ARHGEF10L: variants seen among roughly 807,000 people sequenced by gnomAD.
ARHGEF10L encodes the protein Rho guanine nucleotide exchange factor 10 like.
ARHGEF10L carries 69 observed loss-of-function variants against 141.2 expected under a neutral mutation model. That is an observed-to-expected ratio of 0.49 (90% CI 0.40 to 0.60). The LOEUF (loss-of-function observed/expected upper bound fraction) is 0.60, where lower values mean the gene tolerates loss of function less well. Among genes scored for constraint, ARHGEF10L ranks in the 20% least tolerant of loss-of-function variants. The pLI is 0.00. For missense variants in ARHGEF10L, 1,482 were observed against 1,734.3 expected (o/e 0.85, Z 2.58); for synonymous variants, 711 against 718.5 (o/e 0.99, Z 0.17).
chr1:17,639,777 T>C lies in ARHGEF10L; in HGVS notation c.2172-425T>C. 17 of 1,104,802 alleles carry C rather than the reference T, an allele frequency of 1.5e-5. No homozygotes were observed. Among genetic ancestry groups the C allele is most frequent in the Non-Finnish European group, 2.1e-5 (17 of 817,834 alleles). 68.4% of individuals were successfully genotyped at this position (1,104,802 alleles called of 1,614,324 possible). On this transcript the variant is annotated intron_variant, in intron 20 of 28. Coordinates refer to ENST00000361221, the MANE Select transcript of ARHGEF10L (RefSeq NM_018125.4). This position sits in a 1 kb window ranked among gnomAD's most constrained non-coding sequence, Gnocchi z 4.3. ...ACTCAGCAAACATTTACTGAGCAAC[T>C]GTCCCATGCCAGGTGCTGGGAACAG...
Position 17,619,345 on chromosome 1 carries a change from C to T in ARHGEF10L, c.842C>T (p.Ser281Leu), listed in dbSNP as rs763814803. 18 of 1,612,994 alleles carry T rather than the reference C, an allele frequency of 1.1e-5. No individual in the cohort carries two copies. Among genetic ancestry groups the T allele is most frequent in the Admixed American group, 1.7e-5 (1 of 59,950 alleles). Residue 281 changes from serine (S) to leucine (L), a missense_variant, in exon 10 of 29, where the codon TCG becomes TTG. Physicochemically the swap from Ser to Leu is moderately radical, Grantham distance 145. This residue lies in a region of ARHGEF10L where 392 missense variants were observed against 542.1 expected (regional missense o/e 0.72). Transcript: ENST00000361221. The surrounding 1 kb of genome is among the most constrained non-coding windows in gnomAD (Gnocchi z 5.0). Reference sequence around the variant, plus strand: ...GGCCCATCTGACTTTCCAGGTGACTCGGAGGAGGAGGACATGGGGCTCCTG... The same window carrying T: ...GGCCCATCTGACTTTCCAGGTGACTTGGAGGAGGAGGACATGGGGCTCCTG... ...FLHRKDVLGDSEEEDMGLLEV... is the reference protein window; with the variant it reads ...FLHRKDVLGDLEEEDMGLLEV...
rs1214281717 is a variant in ARHGEF10L at position 17,635,029 on chromosome 1, T to C, written c.1927+13T>C. 3 of 1,613,576 alleles carry C rather than the reference T, an allele frequency of 1.9e-6. No homozygotes were observed. Among genetic ancestry groups the C allele is most frequent in the Middle Eastern group, 1.7e-4 (1 of 6,056 alleles). ...GGGCAGGCTCAGAGTGAGTACCCCCTCTCTGTGCCCTGCGTTCGTCACCCT... is the reference window on the plus strand; with the variant it reads ...GGGCAGGCTCAGAGTGAGTACCCCCCCTCTGTGCCCTGCGTTCGTCACCCT... On this transcript the variant is annotated intron_variant, in intron 18 of 28. Transcript: ENST00000361221.
chr1:17,616,772 G>A (rs2059830913), intron 9 of ARHGEF10L, among the ~76,000 whole-genome samples: 1 of 152,228 alleles, frequency 6.6e-6, no homozygotes. Flanking sequence ...GGACTTGGGG[G>A]ATGAAAGGTC....
intron 1 of ARHGEF10L, among the ~76,000 whole-genome samples, chr1:17,579,784 G>A (rs964897533): frequency 6.6e-6 from 1 of 152,210 alleles, no homozygotes; most frequent in Admixed American, 6.5e-5. Context: ...AGCCCCCAGT[G>A]CACAATTGAA....
chr1:17,515,776 G>A, the ARHGEF10L span, among the ~76,000 whole-genome samples: 1 of 151,876 alleles, frequency 6.6e-6, no homozygotes, highest in African/African-American at 2.4e-5. Flanking sequence ...CTGAGTAACT[G>A]GGAGAACAGG....
In ARHGEF10L at chr1:17,592,459, G is replaced by A. The variant is rs1321869144; in HGVS notation, c.257+3980G>A. The stretch of plus-strand genomic sequence containing the variant: ...TCTCTCATTGGGGCCTGGAGCCAGG[G>A]GAAGTGATGGGGCAGCCGTATTCTG... On this transcript the variant is annotated intron_variant, in intron 4 of 28. Transcript: ENST00000361221. 2.0e-5 allele frequency among the ~76,000 whole-genome samples: 3 copies of A among 152,116 alleles called. No homozygotes were observed. The East Asian group carries it at 5.8e-4, about 29-fold the overall frequency.
At chr1:17,670,888 C>T (rs924764738) in intron 26 of ARHGEF10L, among the ~76,000 whole-genome samples, 1 of 152,252 alleles carries the variant, frequency 6.6e-6, no homozygotes, top group African/African-American at 2.4e-5. Flanking sequence ...CACTGTTCCC[C>T]TCCTGTGTGG....
At chr1:17,561,778 T>A (rs1446928727) in intron 1 of ARHGEF10L, among the ~76,000 whole-genome samples, 2 of 152,228 alleles carry the variant, frequency 1.3e-5, no homozygotes, top group Admixed American at 6.5e-5. Flanking sequence ...TTTTCCCTAA[T>A]ACGGTCTCCT....
rs1246884190 is a variant in ARHGEF10L at position 17,615,541 on chromosome 1, T to A, written c.727-553T>A. ...GCAAGGGACGGGTCCCTCACCTGGG[T>A]TTGGCGGATGGGATGGGGGTGTGCA... On this transcript the variant is annotated intron_variant, in intron 8 of 28. Transcript: ENST00000361221. The surrounding 1 kb of genome is among the most constrained non-coding windows in gnomAD (Gnocchi z 4.7). 1 of 152,082 alleles carries A rather than the reference T, an allele frequency of 6.6e-6. No individual in the cohort carries two copies. The highest frequency in any genetic ancestry group is 1.9e-4 in the East Asian group (1 of 5,180). The allele number at this position is 152,082 out of a possible 1,614,324, so 9.4% of individuals were successfully genotyped here. A position where few individuals can be genotyped will look rare whatever the true frequency, so the allele number is the denominator to read the frequency against.
At chr1:17,579,621 T>A (rs1300726646) in intron 1 of ARHGEF10L, among the ~76,000 whole-genome samples, 1 of 152,276 alleles carries the variant, frequency 6.6e-6, no homozygotes, top group East Asian at 1.9e-4. Context: ...ATTTCATTTT[T>A]GTTTAGTAAG....
Position 17,625,835 on chromosome 1 carries a change from G to A in ARHGEF10L, c.1318-121G>A. The A allele has an allele frequency of 1.2e-6, 1 of 803,424 alleles. No individual in the cohort carries two copies. Among genetic ancestry groups the A allele is most frequent in the Non-Finnish European group, 2.0e-6 (1 of 492,564 alleles). 49.8% of individuals were successfully genotyped at this position (803,424 alleles called of 1,614,324 possible). A position where few individuals can be genotyped will look rare whatever the true frequency, so the allele number is the denominator to read the frequency against. On this transcript the variant is annotated intron_variant, in intron 13 of 28. Transcript: ENST00000361221. This position sits in a 1 kb window ranked among gnomAD's most constrained non-coding sequence, Gnocchi z 4.5. ...TCTCTCAGCTCTTCTTGCAAGCCCA[G>A]GGATAGGCAGGGTCTTAGGGCCTGG...
At chr1:17,670,856 C>G (rs2063276340) in intron 26 of ARHGEF10L, among the ~76,000 whole-genome samples, 1 of 152,240 alleles carries the variant, frequency 6.6e-6, no homozygotes, top group Non-Finnish European at 1.5e-5. Flanking sequence ...GCCTTCACCT[C>G]TGTTGTTCCC....
intron 26 of ARHGEF10L, among the ~76,000 whole-genome samples, chr1:17,685,365 A>C (rs566006941): frequency 1.3e-5 from 2 of 152,164 alleles, no homozygotes; most frequent in East Asian, 3.9e-4. Context: ...TGTGCCCCCC[A>C]CCACGGGTCC....
intron 4 of ARHGEF10L, among the ~76,000 whole-genome samples, chr1:17,601,633 A>G (rs1447287932): frequency 6.6e-6 from 1 of 152,050 alleles, no homozygotes; most frequent in Non-Finnish European, 1.5e-5. Flanking sequence ...TTTAGTAGAG[A>G]CGGAGTTCCA....
chr1:17,611,830 A>T (rs905241069), intron 7 of ARHGEF10L, among the ~76,000 whole-genome samples: 7 of 151,832 alleles, frequency 4.6e-5, no homozygotes, highest in African/African-American at 1.5e-4. Flanking sequence ...CAGAACTCAC[A>T]CTCTTGATCC....
At chr1:17,581,379 G>A (rs1272001587) in intron 2 of ARHGEF10L, among the ~76,000 whole-genome samples, 4 of 150,728 alleles carry the variant, frequency 2.7e-5, no homozygotes, top group South Asian at 4.2e-4. Flanking sequence ...AAAATTATTC[G>A]TCGTTTATCT....
intron 3 of ARHGEF10L, 51 bp from the exon 4 acceptor site, chr1:17,588,395 C>T (rs1317724662): frequency 1.4e-5 from 23 of 1,609,182 alleles, no homozygotes; most frequent in Non-Finnish European, 2.0e-5. Context: ...GCCTGAGTGC[C>T]TGGGGCCAGC....
chr1:17,624,554 C>A, intron 13 of ARHGEF10L, 51 bp downstream of exon 13: 1 of 1,488,050 alleles, frequency 6.7e-7, no homozygotes, highest in Non-Finnish European at 9.4e-7. Context: ...AGGGAGATTG[C>A]TCAGGAGGAA....
At chr1:17,649,046 G>A (rs967831761) in intron 22 of ARHGEF10L, among the ~76,000 whole-genome samples, 1 of 152,238 alleles carries the variant, frequency 6.6e-6, no homozygotes, top group Non-Finnish European at 1.5e-5. Context: ...TTGGCGCAGG[G>A]ATTGCCCTCA....
Sources: gnomAD v4.1 joint callset for allele counts (sites outside exome capture counted in the v4.1 genomes callset) on GRCh38, gnomAD v4.1.1 for gene constraint, gnomAD v4.1.1 regional missense constraint, Gnocchi (gnomAD v3.1) non-coding constraint, MANE v1.5 for transcripts, NCBI Gene and HGNC (gene_info 2026-07-23, HGNC 2026-07-21) for gene names.